BANP: variants seen among roughly 807,000 people sequenced by gnomAD.
BANP encodes the protein protein BANP.
Under a neutral mutation model 68.1 loss-of-function variants are expected in BANP, and 11 were observed. That is an observed-to-expected ratio of 0.16 (90% CI 0.10 to 0.27). BANP has a LOEUF of 0.27. BANP is among the 10% of genes least tolerant of loss of function. The pLI is 1.00. For synonymous variants in BANP, 329 were observed against 303.2 expected, an observed-to-expected ratio of 1.09 and a Z score of -0.88; for missense variants, 504 against 722.7, an observed-to-expected ratio of 0.70 and a Z score of 3.47.
chr16:87,985,700 G>A (rs1216764187), intron 4 of BANP, among the ~76,000 whole-genome samples: 2 of 152,166 alleles, frequency 1.3e-5, no homozygotes, highest in Admixed American at 6.5e-5. Context: ...TGAAAAAGCC[G>A]GACGTCCCAC....
At chr16:88,045,489 C>T (rs1222231953) in intron 11 of BANP, among the ~76,000 whole-genome samples, 2 of 152,248 alleles carry the variant, frequency 1.3e-5, no homozygotes, top group African/African-American at 2.4e-5. Context: ...CCAGGCTCTT[C>T]CAGCAACAGG....
chr16:88,034,314 AC>A (rs1179920180), intron 9 of BANP, among the ~76,000 whole-genome samples: 1 of 152,236 alleles, frequency 6.6e-6, no homozygotes, highest in Non-Finnish European at 1.5e-5. Context: ...AGAGTAGATA[AC>A]TTTGTCATAA....
At chr16:88,001,944 A>C (rs972459185) in intron 4 of BANP, among the ~76,000 whole-genome samples, 3 of 152,040 alleles carry the variant, frequency 2.0e-5, no homozygotes, top group South Asian at 2.1e-4. Flanking sequence ...AAAAAAAAAA[A>C]CCTTCTGGAT....
rs552270093 is a variant in BANP at position 88,002,691 on chromosome 16, T to C, written c.363-1604T>C. 9.2e-5 allele frequency among the ~76,000 whole-genome samples: 14 copies of C among 152,264 alleles called. No homozygotes were observed. The highest frequency in any genetic ancestry group is 3.1e-4 in the African/African-American group (13 of 41,542). On this transcript the variant is annotated intron_variant, in intron 4 of 13. Transcript: ENST00000682872. The surrounding 1 kb of genome is among the most constrained non-coding windows in gnomAD (Gnocchi z 4.6). Reference sequence around the variant, plus strand: ...GGAGCTGGTTGTCTTAGAATATGATTTCCTTCACCTTAATAAGGATCTTCA... The same window carrying C: ...GGAGCTGGTTGTCTTAGAATATGATCTCCTTCACCTTAATAAGGATCTTCA...
In BANP at chr16:88,057,892, G is replaced by A. The variant is rs550999349; in HGVS notation, c.1312-7375G>A. Among the ~76,000 whole-genome samples the A allele has an allele frequency of 1.8e-3, 273 of 152,286 alleles. 1 individual carries two copies. The highest frequency in any genetic ancestry group is 6.4e-3 in the African/African-American group (264 of 41,544). ...AGCACTTTCCGGACAGTGCGGTGCG[G>A]GGCAGCGAGTGGCCGCCTGTGTTCC... On this transcript the variant is annotated intron_variant, in intron 11 of 13. Coordinates refer to ENST00000682872, the MANE Select transcript of BANP (RefSeq NM_001386991.1). This position sits in a 1 kb window ranked among gnomAD's most constrained non-coding sequence, Gnocchi z 4.6.
rs1376582244 is a variant in BANP, at chr16:87,991,124, A to G, written c.362+6865A>G. Among the ~76,000 whole-genome samples the G allele has an allele frequency of 2.0e-5, 3 of 152,222 alleles. No homozygotes were observed. In the East Asian group the frequency reaches 5.8e-4, roughly 29 times the overall value. On this transcript the variant is annotated intron_variant, in intron 4 of 13. Transcript: ENST00000682872. ...TACATGCTAGGGCTGAGTACTAGCC[A>G]AAGAAAACATACAGTTTACATACCT...
Position 88,003,115 on chromosome 16 carries a change from C to T in BANP, c.363-1180C>T, listed in dbSNP as rs2069923514. Reference sequence around the variant, plus strand: ...TGACTGTGGTGACCAAGCCAAAAGCCACCTGGGTTACTTTCCATACCTGAC... The same window carrying T: ...TGACTGTGGTGACCAAGCCAAAAGCTACCTGGGTTACTTTCCATACCTGAC... On this transcript the variant is annotated intron_variant, in intron 4 of 13. Coordinates refer to ENST00000682872, the MANE Select transcript of BANP (RefSeq NM_001386991.1). This position sits in a 1 kb window ranked among gnomAD's most constrained non-coding sequence, Gnocchi z 6.1. Among the ~76,000 whole-genome samples, 1 of 152,222 alleles carries T rather than the reference C, an allele frequency of 6.6e-6. No individual in the cohort carries two copies. Among genetic ancestry groups the T allele is most frequent in the African/African-American group, 2.4e-5 (1 of 41,464 alleles).
In BANP at chr16:88,031,382, A is replaced by G. The variant is rs538348921; in HGVS notation, c.1064-1727A>G. ...AATGTGACTGGGCACAGTGGCTTAC[A>G]CCTATAATCCCAGCATTTTGGGAGG... On this transcript the variant is annotated intron_variant, in intron 8 of 13. Transcript: ENST00000682872. 3.9e-4 allele frequency among the ~76,000 whole-genome samples: 60 copies of G among 152,144 alleles called. 1 individual carries two copies. The highest frequency in any genetic ancestry group is 8.2e-4 in the Non-Finnish European group (56 of 68,020).
In BANP at chr16:88,076,646, C is replaced by A; in HGVS notation, c.1578C>A (p.Ala526=). The change falls in exon 14 of 14, where the codon GCC becomes GCA. Residue 526 remains alanine (A), a synonymous_variant. Transcript: ENST00000682872. ...LQPEMQLEHG[A]IQIQ is the part of the protein sequence containing the mutation. ...CGGAGATGCAGCTCGAGCACGGGGC[C>A]ATCCAGATTCAGTGAGCGGTGCCCA... is the stretch of plus-strand genomic sequence containing the variant. 6.2e-7 allele frequency: 1 copy of A among 1,609,522 alleles called. No individual in the cohort carries two copies. The highest frequency in any genetic ancestry group is 8.5e-7 in the Non-Finnish European group (1 of 1,179,598).
At chr16:88,045,750 G>A (rs560689039) in intron 11 of BANP, among the ~76,000 whole-genome samples, 5 of 139,798 alleles carry the variant, frequency 3.6e-5, no homozygotes, top group Admixed American at 7.5e-5. Context: ...ATGAGGGCCC[G>A]GCTGTGGTTG....
In BANP at chr16:88,023,989, G is replaced by A. The variant is rs184186418; in HGVS notation, c.896-3494G>A. Among the ~76,000 whole-genome samples the A allele has an allele frequency of 2.2e-4, 34 of 152,334 alleles. No homozygotes were observed. In the East Asian group the frequency reaches 6.2e-3, roughly 28 times the overall value. On this transcript the variant is annotated intron_variant, in intron 7 of 13. Coordinates refer to ENST00000682872, the MANE Select transcript of BANP (RefSeq NM_001386991.1). Reference sequence around the variant, plus strand: ...GTGTTCTGCTCCCAGGTGACGCCACGCTGTGGGGATCCCGTGAGCCTCAGC... The same window carrying A: ...GTGTTCTGCTCCCAGGTGACGCCACACTGTGGGGATCCCGTGAGCCTCAGC...
At chr16:88,074,176 A>T (rs892467136) in intron 13 of BANP, among the ~76,000 whole-genome samples, 2 of 152,016 alleles carry the variant, frequency 1.3e-5, no homozygotes, top group African/African-American at 4.8e-5. Context: ...CAACAGAGAC[A>T]GGTTTCTGGT....
chr16:88,021,220 G>A (rs1422185565), intron 7 of BANP, among the ~76,000 whole-genome samples: 1 of 152,194 alleles, frequency 6.6e-6, no homozygotes, highest in East Asian at 1.9e-4. Flanking sequence ...TGAACCTCAT[G>A]GCTTGGGGCC....
At chr16:88,052,075 C>G (rs954940759) in intron 11 of BANP, among the ~76,000 whole-genome samples, 2 of 152,190 alleles carry the variant, frequency 1.3e-5, no homozygotes, top group African/African-American at 2.4e-5. Context: ...ATTGGGCACT[C>G]TTAACAGCCA....
intron 1 of BANP, among the ~76,000 whole-genome samples, chr16:87,959,615 C>T (rs1029093743): frequency 1.3e-5 from 2 of 152,238 alleles, no homozygotes; most frequent in East Asian, 1.9e-4. Flanking sequence ...CATGGTCTTC[C>T]TGCTGCAGCC....
intron 11 of BANP, among the ~76,000 whole-genome samples, chr16:88,046,524 T>A (rs1285592643): frequency 6.6e-6 from 1 of 152,112 alleles, no homozygotes; most frequent in Non-Finnish European, 1.5e-5. Flanking sequence ...TATGTTCTTT[T>A]TTTAATTTTT....
intron 4 of BANP, among the ~76,000 whole-genome samples, chr16:87,998,687 G>A (rs34760782): frequency 1.8e-5 from 2 of 109,188 alleles, no homozygotes; most frequent in African/African-American, 7.0e-5. Context: ...TGCGCGGCTG[G>A]ACTTACCTGT....
At chr16:87,996,716 G>A (rs532808780) in intron 4 of BANP, among the ~76,000 whole-genome samples, 2 of 152,344 alleles carry the variant, frequency 1.3e-5, no homozygotes, top group East Asian at 3.9e-4. Context: ...GGTCCTCAGC[G>A]TTGCCCTCCC....
chr16:88,005,679 G>C (rs988722636), intron 5 of BANP, among the ~76,000 whole-genome samples: 1 of 152,148 alleles, frequency 6.6e-6, no homozygotes, highest in Non-Finnish European at 1.5e-5. Flanking sequence ...CATCTCCAGC[G>C]AGCCCAGCAG....
Sources: allele counts gnomAD v4.1 joint callset (sites outside exome capture counted in the v4.1 genomes callset), GRCh38; gene constraint gnomAD v4.1.1; non-coding constraint Gnocchi (gnomAD v3.1); transcripts MANE v1.5; gene names NCBI Gene and HGNC (gene_info 2026-07-23, HGNC 2026-07-21).